UNC13B: variants seen among roughly 807,000 people sequenced by gnomAD.
UNC13B encodes the protein protein unc-13 homolog B.
A neutral mutation model predicts 211.0 loss-of-function variants in UNC13B; 144 were observed. The observed-to-expected ratio is 0.68, with a 90% CI of 0.60 to 0.78. The LOEUF (loss-of-function observed/expected upper bound fraction) is 0.78. Among genes scored for constraint, UNC13B ranks in the 30% least tolerant of loss-of-function variants. UNC13B has a pLI of 0.00. For missense variants in UNC13B, 1,777 were observed against 2,002.0 expected (o/e 0.89, Z 2.14); for synonymous variants, 709 against 725.8 (o/e 0.98, Z 0.37).
At chr9:35,178,462 C>T (rs1219066332) in intron 1 of UNC13B, among the ~76,000 whole-genome samples, 1 of 151,484 alleles carries the variant, frequency 6.6e-6, no homozygotes, top group Non-Finnish European at 1.5e-5. Context: ...CGCCACTGCA[C>T]TCCAGTCTGG....
chr9:35,222,547 CT>C (rs1335308402), intron 1 of UNC13B, among the ~76,000 whole-genome samples: 1 of 152,032 alleles, frequency 6.6e-6, no homozygotes, highest in Non-Finnish European at 1.5e-5. Flanking sequence ...TGTATACCAT[CT>C]TTTGGGGGCC....
At chr9:35,368,318 T>G (rs550303933) in intron 12 of UNC13B, among the ~76,000 whole-genome samples, 2 of 152,368 alleles carry the variant, frequency 1.3e-5, no homozygotes, top group Admixed American at 6.5e-5. Flanking sequence ...TGTTTGGTTT[T>G]CTGTTCCTGC....
Position 35,302,817 on chromosome 9 carries a change from C to T in UNC13B, c.3413C>T (p.Thr1138Ile). Reference sequence around the variant, plus strand: ...AATGAAGATGAGGTTATAGATAAGACTTCCAAGAAAAATACCCAAGGAAGC... The same window carrying T: ...AATGAAGATGAGGTTATAGATAAGATTTCCAAGAAAAATACCCAAGGAAGC... Reference protein sequence around the residue: ...EINEDEVIDKTSKKNTQGSFL... With the variant: ...EINEDEVIDKISKKNTQGSFL... Residue 1138 changes from threonine (T) to isoleucine (I), a missense_variant, in exon 9 of 40, where the codon ACT becomes ATT. Physicochemically the swap from Thr to Ile is moderately conservative, Grantham distance 89. Coordinates refer to ENST00000635942, the MANE Select transcript of UNC13B (RefSeq NM_001371189.2). The T allele has an allele frequency of 2.5e-6, 1 of 398,620 alleles. No individual in the cohort carries two copies. Among genetic ancestry groups the T allele is most frequent in the Non-Finnish European group, 4.4e-6 (1 of 225,740 alleles). 24.7% of individuals were successfully genotyped at this position (398,620 alleles called of 1,614,324 possible).
chr9:35,348,692 A>G (rs898579042), intron 11 of UNC13B, among the ~76,000 whole-genome samples: 11 of 152,230 alleles, frequency 7.2e-5, no homozygotes, highest in African/African-American at 2.7e-4. Flanking sequence ...ACAGTTTAGT[A>G]AGTACAGTTC....
intron 22 of UNC13B, 198 bp downstream of exon 22, chr9:35,384,512 T>G (rs1231537608): frequency 2.0e-6 from 2 of 985,318 alleles, no homozygotes; most frequent in Non-Finnish European, 2.4e-6. Context: ...TAGCAGCAGG[T>G]ATGGTTAGTT....
At chr9:35,268,357 C>G (rs567417769) in intron 7 of UNC13B, among the ~76,000 whole-genome samples, 1 of 152,162 alleles carries the variant, frequency 6.6e-6, no homozygotes, top group Non-Finnish European at 1.5e-5. Flanking sequence ...CAGTGGCTCA[C>G]GCCTGTAATC....
intron 1 of UNC13B, among the ~76,000 whole-genome samples, chr9:35,201,578 C>T (rs1410528924): frequency 2.0e-5 from 3 of 152,230 alleles, no homozygotes; most frequent in South Asian, 4.2e-4. Flanking sequence ...GTGTATGTGT[C>T]GAGGAATTTA....
At chr9:35,262,941 C>A (rs1285184973) in intron 7 of UNC13B, among the ~76,000 whole-genome samples, 3 of 151,980 alleles carry the variant, frequency 2.0e-5, no homozygotes, top group Non-Finnish European at 4.4e-5. Context: ...TCAAAAAAAA[C>A]CAAACCAAAC....
At chr9:35,164,827 T>C (rs1417255197) in intron 1 of UNC13B, among the ~76,000 whole-genome samples, 2 of 152,248 alleles carry the variant, frequency 1.3e-5, no homozygotes, top group Non-Finnish European at 2.9e-5. Flanking sequence ...CAGTCCACAG[T>C]GATCTCTTTT....
chr9:35,271,902 A>G (rs558538101), intron 7 of UNC13B, among the ~76,000 whole-genome samples: 7 of 152,334 alleles, frequency 4.6e-5, no homozygotes, highest in Admixed American at 1.3e-4. Context: ...AATTAGTACA[A>G]CCTTTCTAAC....
chr9:35,310,352 C>T lies in UNC13B; in HGVS notation c.9009-115C>T, dbSNP rs1394754934. ...AAGTTTGGTCCTCTCTTCCCAGGAACCTCCTATTTGATTCTTGCTACTAAT... is the reference window on the plus strand; with the variant it reads ...AAGTTTGGTCCTCTCTTCCCAGGAATCTCCTATTTGATTCTTGCTACTAAT... On this transcript the variant is annotated intron_variant, in intron 9 of 39. Coordinates refer to ENST00000635942, the MANE Select transcript of UNC13B (RefSeq NM_001371189.2). The T allele has an allele frequency of 3.5e-6, 4 of 1,136,128 alleles. No individual in the cohort carries two copies. In the African/African-American group the frequency reaches 4.7e-5, roughly 13 times the overall value. The allele number at this position is 1,136,128 out of a possible 1,614,324, so 70.4% of individuals were successfully genotyped here.
intron 17 of UNC13B, among the ~76,000 whole-genome samples, 181 bp from the exon 18 acceptor site, chr9:35,380,288 GA>G (rs1834733856): frequency 6.6e-6 from 1 of 152,202 alleles, no homozygotes; most frequent in South Asian, 2.1e-4. Flanking sequence ...CCAGGCCGAG[GA>G]ATGAAGAGTC....
chr9:35,389,523 G>T (rs1390030549), intron 24 of UNC13B, among the ~76,000 whole-genome samples: 1 of 152,118 alleles, frequency 6.6e-6, no homozygotes, highest in Admixed American at 6.5e-5. Flanking sequence ...AGGCTGGAGG[G>T]GCTGTTTCCT....
chr9:35,317,185 G>A (rs868759572), intron 11 of UNC13B, among the ~76,000 whole-genome samples: 12 of 152,244 alleles, frequency 7.9e-5, no homozygotes, highest in Middle Eastern at 3.4e-3. Context: ...ATAGACTGAC[G>A]TGAGGCAAAC....
rs533908313 is a variant in UNC13B, at chr9:35,198,180, T to G, written c.23-29835T>G. ...CACGTCGAATTGTAATCCCCAGTTT[T>G]GGAGGTGGAGCCTGGTGGTAGGTGA... On this transcript the variant is annotated intron_variant, in intron 1 of 39. Coordinates refer to ENST00000635942, the MANE Select transcript of UNC13B (RefSeq NM_001371189.2). Among the ~76,000 whole-genome samples the G allele has an allele frequency of 2.0e-5, 3 of 152,336 alleles. No homozygotes were observed. The South Asian group carries it at 6.2e-4, about 32-fold the overall frequency.
chr9:35,390,790 A>G (rs1021564733), intron 26 of UNC13B, 76 bp downstream of exon 26: 1 of 1,392,158 alleles, frequency 7.2e-7, no homozygotes, highest in Non-Finnish European at 1.0e-6. Flanking sequence ...TTCCTCTTCT[A>G]GACAACTACA....
At chr9:35,309,626 T>C (rs1357061248) in intron 9 of UNC13B, among the ~76,000 whole-genome samples, 1 of 152,186 alleles carries the variant, frequency 6.6e-6, no homozygotes, top group Non-Finnish European at 1.5e-5. Context: ...CTTTCTCTCA[T>C]GACTTTCTGG....
rs1480259067 is a variant in UNC13B, at chr9:35,377,623, C to T, written c.9991C>T (p.Gln3331Ter). 1.2e-6 allele frequency: 2 copies of T among 1,614,090 alleles called. No individual in the cohort carries two copies. Among genetic ancestry groups the T allele is most frequent in the Non-Finnish European group, 1.7e-6 (2 of 1,180,050 alleles). Residue 3331 changes from glutamine to a stop codon, truncating the protein, a stop_gained, in exon 16 of 40, where the codon CAG (glutamine) becomes TAG (stop). Transcript: ENST00000635942. LOFTEE classifies it high-confidence loss of function. ...CACAGTGAACAAAGCTGCCCATGTG[C>T]AGCAGATGAAAACAGTGAAGCAGAG... The part of the protein sequence containing the change: ...VFTVNKAAHV[Q>*]QMKTVKQSVL...
At position 35,228,005 on chromosome 9, in the gene UNC13B, T is replaced by A; in HGVS notation, c.23-10T>A. The A allele has an allele frequency of 1.9e-6, 3 of 1,611,708 alleles. No homozygotes were observed. The highest frequency in any genetic ancestry group is 2.5e-6 in the Non-Finnish European group (3 of 1,178,976). ...ACATTCTTCATGGTATCCTCTTTTT[T>A]CTCTTGCAGTTAAAAGGGCCAAATT... On this transcript the variant is annotated splice_polypyrimidine_tract_variant and intron_variant, in intron 1 of 39. Coordinates refer to ENST00000635942, the MANE Select transcript of UNC13B (RefSeq NM_001371189.2).
Sources: gnomAD v4.1 joint callset for allele counts (sites outside exome capture counted in the v4.1 genomes callset) on GRCh38, gnomAD v4.1.1 for gene constraint, MANE v1.5 for transcripts, NCBI Gene and HGNC (gene_info 2026-07-23, HGNC 2026-07-21) for gene names.